DRAM1: variants seen among roughly 807,000 people sequenced by gnomAD.
DRAM1 encodes the protein DNA damage regulated autophagy modulator 1.
A neutral mutation model predicts 28.5 loss-of-function variants in DRAM1; 25 were observed. That is an observed-to-expected ratio of 0.88 (90% CI 0.64 to 1.23). The LOEUF (loss-of-function observed/expected upper bound fraction) is 1.23. DRAM1 is among the 50% of genes most tolerant of loss of function. The pLI, the probability that DRAM1 is intolerant of heterozygous loss-of-function variation, is 0.00. For synonymous variants in DRAM1, 113 were observed against 114.2 expected, an observed-to-expected ratio of 0.99 and a Z score of 0.07; for missense variants, 249 against 299.2, an observed-to-expected ratio of 0.83 and a Z score of 1.24.
At chr12:101,920,698 G>C (rs1243526341) in intron 6 of DRAM1, among the ~76,000 whole-genome samples, 1 of 152,150 alleles carries the variant, frequency 6.6e-6, no homozygotes, top group Non-Finnish European at 1.5e-5. Flanking sequence ...GATCACCTGA[G>C]GTCAGGAGTT....
rs1163365801 is a variant in DRAM1, at chr12:101,921,377, C to T, written c.*117C>T. On this transcript the variant is annotated 3_prime_UTR_variant, in exon 7 of 7. Transcript: ENST00000258534. ...TATTGGGATGCATCTGCAGCACATC[C>T]AGGACTTGAATTTCATTACGAGTTC... is the stretch of plus-strand genomic sequence containing the variant. The T allele has an allele frequency of 1.3e-6, 1 of 766,398 alleles. No individual in the cohort carries two copies. Among genetic ancestry groups the T allele is most frequent in the Admixed American group, 2.2e-5 (1 of 45,842 alleles). 47.5% of individuals were successfully genotyped at this position (766,398 alleles called of 1,614,324 possible). A position where few individuals can be genotyped will look rare whatever the true frequency, so the allele number is the denominator to read the frequency against.
At chr12:101,905,651 G>A (rs1332487396) in intron 3 of DRAM1, among the ~76,000 whole-genome samples, 1 of 151,980 alleles carries the variant, frequency 6.6e-6, no homozygotes, top group Non-Finnish European at 1.5e-5. Context: ...GTGCAGTGGT[G>A]CTATCATAGC....
chr12:101,884,514 G>GTGTC (rs1270499835), intron 1 of DRAM1, among the ~76,000 whole-genome samples: 2 of 151,768 alleles, frequency 1.3e-5, no homozygotes, highest in Non-Finnish European at 2.9e-5. Context: ...TTTTTGGCAT[G>GTGTC]TGTCTCCTGC....
rs552281577 is a variant in DRAM1, at chr12:101,890,875, C to T, written c.132-6988C>T. 6.6e-5 allele frequency among the ~76,000 whole-genome samples: 10 copies of T among 151,748 alleles called. No individual in the cohort carries two copies. The South Asian group carries it at 1.9e-3, about 28-fold the overall frequency. On this transcript the variant is annotated intron_variant, in intron 1 of 6. Transcript: ENST00000258534. Reference sequence around the variant, plus strand: ...AAGCGATTCTCCTGCCTCAGCCTTCCGAGTAGCTGGGACTACAGGCGCCCG... The same window carrying T: ...AAGCGATTCTCCTGCCTCAGCCTTCTGAGTAGCTGGGACTACAGGCGCCCG...
At chr12:101,888,105 T>TA (rs1004806562) in intron 1 of DRAM1, among the ~76,000 whole-genome samples, 1 of 152,158 alleles carries the variant, frequency 6.6e-6, no homozygotes, top group Non-Finnish European at 1.5e-5. Context: ...GCATGCCATT[T>TA]AAAACCTTTA....
intron 1 of DRAM1, among the ~76,000 whole-genome samples, chr12:101,879,884 C>T (rs1207887288): frequency 2.6e-5 from 4 of 151,894 alleles, no homozygotes; most frequent in African/African-American, 9.7e-5. Flanking sequence ...GTCCCAGCTA[C>T]TCGGGAGGCT....
At chr12:101,914,485 C>CT (rs553791665) in intron 5 of DRAM1, among the ~76,000 whole-genome samples, 35,419 of 137,286 alleles carry the variant, frequency 0.26, 4,756 homozygotes, top group Middle Eastern at 0.38. Context: ...TCTTCTTCTT[C>CT]TTTTTTTTTT....
In DRAM1 at chr12:101,877,746, G is replaced by C. The variant is rs976938171; in HGVS notation, c.-44G>C. 7.2e-7 allele frequency: 1 copy of C among 1,380,808 alleles called. No homozygotes were observed. The highest frequency in any genetic ancestry group is 1.5e-5 in the African/African-American group (1 of 66,020). The allele number at this position is 1,380,808 out of a possible 1,614,324, so 85.5% of individuals were successfully genotyped here. On this transcript the variant is annotated 5_prime_UTR_variant, in exon 1 of 7. Transcript: ENST00000258534. The surrounding 1 kb of genome is among the most constrained non-coding windows in gnomAD (Gnocchi z 4.1). Reference sequence around the variant, plus strand: ...GGCAGCCCGGAGCAACCCGGCGCCCGGCCCCGCTGGGCGCAGCACTCCGTC... The same window carrying C: ...GGCAGCCCGGAGCAACCCGGCGCCCCGCCCCGCTGGGCGCAGCACTCCGTC...
rs375656485 is a variant in DRAM1 at position 101,901,473 on chromosome 12, G to A, written c.342+40G>A. 3 of 1,608,042 alleles carry A rather than the reference G, an allele frequency of 1.9e-6. No homozygotes were observed. The African/African-American group carries it at 4.0e-5, about 22-fold the overall frequency. ...TTTTTCAGTTATGAGGAGTGGTGGA[G>A]TGTATGTGTCTGAAGAGAGCAGCAG... is the stretch of plus-strand genomic sequence containing the variant. On this transcript the variant is annotated intron_variant, in intron 3 of 6. Transcript: ENST00000258534.
intron 1 of DRAM1, among the ~76,000 whole-genome samples, chr12:101,887,359 A>G (rs1011672363): frequency 6.6e-6 from 1 of 152,140 alleles, no homozygotes; most frequent in Non-Finnish European, 1.5e-5. Context: ...TGGAAATGAG[A>G]TGATTCAGAG....
rs574058109 is a variant in DRAM1 at position 101,881,786 on chromosome 12, A to C, written c.131+3866A>C. ...TTTTTAAAAATTGCACCTGACCACT[A>C]CTGGTCTCCATATCCAGTCTTATTA... On this transcript the variant is annotated intron_variant, in intron 1 of 6. Coordinates refer to ENST00000258534, the MANE Select transcript of DRAM1 (RefSeq NM_018370.3). Among the ~76,000 whole-genome samples, 5 of 152,258 alleles carry C rather than the reference A, an allele frequency of 3.3e-5. No individual in the cohort carries two copies. The South Asian group carries it at 1.0e-3, about 32-fold the overall frequency.
At chr12:101,890,007 G>A in intron 1 of DRAM1, 2 of 449,774 alleles carry the variant, frequency 4.4e-6, no homozygotes, top group Non-Finnish European at 8.9e-6. Flanking sequence ...GATCAAGTAA[G>A]ATGTGCCTGG....
At chr12:101,901,008 T>A (rs1873578118) in intron 2 of DRAM1, among the ~76,000 whole-genome samples, 1 of 151,796 alleles carries the variant, frequency 6.6e-6, no homozygotes, top group African/African-American at 2.4e-5. Context: ...CACTGTTAAA[T>A]GGAAAAAGCA....
chr12:101,897,980 G>A, intron 2 of DRAM1, 50 bp downstream of exon 2: 1 of 1,123,852 alleles, frequency 8.9e-7, no homozygotes, highest in South Asian at 1.5e-5. Context: ...ACAATTCCAA[G>A]TGAAGTTGAT....
chr12:101,917,069 C>G (rs1874273014), intron 5 of DRAM1, among the ~76,000 whole-genome samples: 1 of 152,142 alleles, frequency 6.6e-6, no homozygotes. Flanking sequence ...AGCTGAATAG[C>G]CTTTAGGAAT....
chr12:101,882,906 CAG>C (rs890903198), intron 1 of DRAM1, among the ~76,000 whole-genome samples: 1 of 143,642 alleles, frequency 7.0e-6, no homozygotes, highest in Non-Finnish European at 1.5e-5. Context: ...GGCATTTCTG[CAG>C]AGTTACTCAG....
chr12:101,896,635 T>C (rs1166723167), intron 1 of DRAM1, among the ~76,000 whole-genome samples: 1 of 152,146 alleles, frequency 6.6e-6, no homozygotes, highest in Non-Finnish European at 1.5e-5. Flanking sequence ...AACAGTATTT[T>C]CCAACTCATT....
intron 1 of DRAM1, among the ~76,000 whole-genome samples, chr12:101,882,107 ATTTTTTTTTTTTTTT>A (rs78402038): frequency 0.53 from 69,196 of 129,910 alleles, 17,913 homozygotes; most frequent in East Asian, 0.9. Flanking sequence ...TGATGGTCTA[ATTTTTTTTTTTTTTT>A]TTTTTTTTTT....
chr12:101,900,437 A>G (rs1873555219), intron 2 of DRAM1, among the ~76,000 whole-genome samples: 2 of 152,370 alleles, frequency 1.3e-5, no homozygotes, highest in Non-Finnish European at 2.9e-5. Context: ...TGTAATATTT[A>G]TAGCAGATAA....
Sources: allele counts gnomAD v4.1 joint callset (sites outside exome capture counted in the v4.1 genomes callset), GRCh38; gene constraint gnomAD v4.1.1; non-coding constraint Gnocchi (gnomAD v3.1); transcripts MANE v1.5; gene names NCBI Gene and HGNC (gene_info 2026-07-23, HGNC 2026-07-21).